MACROD2: variants seen among roughly 807,000 people sequenced by gnomAD.
MACROD2 encodes the protein ADP-ribose glycohydrolase MACROD2.
In MACROD2, 36 loss-of-function variants were observed where a neutral mutation model predicts 70.4. That is an observed-to-expected ratio of 0.51 (90% CI 0.39 to 0.68). The LOEUF is 0.68. Ranked by LOEUF, MACROD2 falls within the 30% of genes least tolerant of loss-of-function variation. The pLI is 0.00. For missense variants in MACROD2, 496 were observed against 538.4 expected (o/e 0.92, Z 0.78); for synonymous variants, 172 against 178.8 (o/e 0.96, Z 0.30).
intron 8 of MACROD2, among the ~76,000 whole-genome samples, chr20:15,817,272 A>C (rs1255014575): frequency 1.3e-5 from 2 of 152,220 alleles, no homozygotes; most frequent in Non-Finnish European, 1.5e-5. Context: ...CATCCCAATA[A>C]TAAGTGACAA....
intron 8 of MACROD2, among the ~76,000 whole-genome samples, chr20:15,531,639 G>A (rs1262487176): frequency 1.3e-5 from 2 of 152,082 alleles, no homozygotes; most frequent in Admixed American, 6.5e-5. Context: ...ATAAACTCTA[G>A]ATTGGAGAAA....
chr20:14,065,200 C>A (rs531823206), intron 2 of MACROD2, among the ~76,000 whole-genome samples: 11 of 152,294 alleles, frequency 7.2e-5, no homozygotes, highest in African/African-American at 2.6e-4. Context: ...AACTTAAATT[C>A]TTTGTGTGTG....
At chr20:15,990,419 T>C (rs1269304009) in intron 15 of MACROD2, among the ~76,000 whole-genome samples, 1 of 152,206 alleles carries the variant, frequency 6.6e-6, no homozygotes, top group East Asian at 1.9e-4. Flanking sequence ...AGTTATTATT[T>C]CACAAAATTT....
chr20:15,892,204 T>C (rs1270646247), intron 10 of MACROD2, among the ~76,000 whole-genome samples: 1 of 152,092 alleles, frequency 6.6e-6, no homozygotes, highest in Non-Finnish European at 1.5e-5. Context: ...CATTCCTAAA[T>C]CCCAGACAAG....
At chr20:15,840,927 T>C (rs552342806) in intron 8 of MACROD2, among the ~76,000 whole-genome samples, 1 of 152,290 alleles carries the variant, frequency 6.6e-6, no homozygotes, top group Admixed American at 6.5e-5. Context: ...GAAAAATAAA[T>C]ATGTTTTTCA....
chr20:15,302,783 T>C (rs976756380), intron 6 of MACROD2, among the ~76,000 whole-genome samples: 1 of 152,226 alleles, frequency 6.6e-6, no homozygotes, highest in Non-Finnish European at 1.5e-5. Context: ...TATGAGTAGC[T>C]CTTCCTCAAA....
At chr20:14,065,321 T>C (rs2053743009) in intron 2 of MACROD2, among the ~76,000 whole-genome samples, 1 of 152,240 alleles carries the variant, frequency 6.6e-6, no homozygotes. Context: ...GTTGTATAAC[T>C]CTGCAGTCCT....
At chr20:15,324,140 G>T (rs1205689530) in intron 6 of MACROD2, among the ~76,000 whole-genome samples, 1 of 151,918 alleles carries the variant, frequency 6.6e-6, no homozygotes, top group African/African-American at 2.4e-5. Context: ...CAAGCAATGT[G>T]CTATAAAACA....
chr20:14,373,819 G>A (rs2083348106), intron 3 of MACROD2, among the ~76,000 whole-genome samples: 1 of 151,326 alleles, frequency 6.6e-6, no homozygotes, highest in Admixed American at 6.6e-5. Flanking sequence ...TGTTACACTA[G>A]CTCTACATTT....
chr20:14,574,363 G>T (rs151181976), intron 4 of MACROD2, among the ~76,000 whole-genome samples: 1 of 151,990 alleles, frequency 6.6e-6, no homozygotes, highest in African/African-American at 2.4e-5. Flanking sequence ...TCAAACCATA[G>T]CATTTACCCT....
chr20:15,345,776 G>A (rs778321988), intron 6 of MACROD2, among the ~76,000 whole-genome samples: 4 of 152,142 alleles, frequency 2.6e-5, no homozygotes, highest in Admixed American at 6.6e-5. Flanking sequence ...GATCCACAGC[G>A]CCCCAGTGTC....
At chr20:15,388,203 G>A (rs2045745848) in intron 6 of MACROD2, among the ~76,000 whole-genome samples, 1 of 152,040 alleles carries the variant, frequency 6.6e-6, no homozygotes, top group Non-Finnish European at 1.5e-5. Context: ...GAGAGTGGAG[G>A]TTCCTGCCAT....
At chr20:14,752,626 G>A (rs2071888371) in intron 5 of MACROD2, among the ~76,000 whole-genome samples, 1 of 152,066 alleles carries the variant, frequency 6.6e-6, no homozygotes, top group South Asian at 2.1e-4. Context: ...ATCTAATAAT[G>A]TCTCCTTCCT....
intron 5 of MACROD2, among the ~76,000 whole-genome samples, chr20:15,194,245 CAAAAAAAAAAAAA>C (rs71190180): frequency 4.0e-5 from 2 of 49,846 alleles, no homozygotes; most frequent in African/African-American, 8.9e-5. Context: ...CACTCTGTCT[CAAAAAAAAAAAAA>C]AAAAAAAAAA....
intron 3 of MACROD2, among the ~76,000 whole-genome samples, chr20:14,225,316 T>A (rs938170481): frequency 6.6e-6 from 1 of 152,216 alleles, no homozygotes; most frequent in African/African-American, 2.4e-5. Context: ...TTTTAGTCTG[T>A]AAACATGACT....
chr20:15,599,307 G>T (rs765007889), intron 8 of MACROD2, among the ~76,000 whole-genome samples: 2 of 151,972 alleles, frequency 1.3e-5, no homozygotes, highest in African/African-American at 2.4e-5. Context: ...CAGGGGAATC[G>T]CTTGAACCCG....
chr20:15,828,232 C>T lies in MACROD2; in HGVS notation c.646-34513C>T, dbSNP rs546029208. ...ATATATCAAAACATCACATTGTATACCATAAATGTATCTTTCTCATTTATC... is the reference window on the plus strand; with the variant it reads ...ATATATCAAAACATCACATTGTATATCATAAATGTATCTTTCTCATTTATC... On this transcript the variant is annotated intron_variant, in intron 8 of 17. Transcript: ENST00000684519. Among the ~76,000 whole-genome samples, 10 of 152,186 alleles carry T rather than the reference C, an allele frequency of 6.6e-5. No homozygotes were observed. The South Asian group carries it at 2.1e-3, about 32-fold the overall frequency.
chr20:14,914,781 C>A (rs1022122869), intron 5 of MACROD2, among the ~76,000 whole-genome samples: 3 of 152,136 alleles, frequency 2.0e-5, no homozygotes, highest in Non-Finnish European at 2.9e-5. Context: ...TGTCAAACTC[C>A]TTCATGCTGC....
chr20:14,267,800 G>A (rs537390571), intron 3 of MACROD2, among the ~76,000 whole-genome samples: 2 of 152,150 alleles, frequency 1.3e-5, no homozygotes, highest in East Asian at 1.9e-4. Flanking sequence ...GAGAACTGAT[G>A]TCTTGGAAAG....
Sources: allele counts gnomAD v4.1 joint callset (sites outside exome capture counted in the v4.1 genomes callset), GRCh38; gene constraint gnomAD v4.1.1; transcripts MANE v1.5; gene names NCBI Gene and HGNC (gene_info 2026-07-23, HGNC 2026-07-21).